SHISA9: variants seen among roughly 807,000 people sequenced by gnomAD.
SHISA9 encodes the protein protein shisa-9.
SHISA9 carries 13 observed loss-of-function variants against 38.0 expected under a neutral mutation model. The ratio of observed to expected loss-of-function variants is 0.34; its 90% CI spans 0.22 to 0.54. The LOEUF (loss-of-function observed/expected upper bound fraction) is 0.54, where lower values mean the gene tolerates loss of function less well. Ranked by LOEUF, SHISA9 falls within the 20% of genes least tolerant of loss-of-function variation. The pLI, the probability that SHISA9 is intolerant of heterozygous loss-of-function variation, is 0.91. For missense variants in SHISA9, 538 were observed against 575.8 expected (o/e 0.93, Z 0.67); for synonymous variants, 275 against 242.0 (o/e 1.14, Z -1.27).
the SHISA9 span, among the ~76,000 whole-genome samples, chr16:13,530,056 T>C: frequency 6.6e-6 from 1 of 152,192 alleles, no homozygotes; most frequent in Admixed American, 6.5e-5. Flanking sequence ...CCCCACACTT[T>C]GGGAGGCCAA....
chr16:13,174,716 G>C (rs980289080), intron 2 of SHISA9, among the ~76,000 whole-genome samples: 1 of 152,150 alleles, frequency 6.6e-6, no homozygotes, highest in Non-Finnish European at 1.5e-5. Flanking sequence ...CGCTGGTTTT[G>C]TAGGAAGATG....
At chr16:13,391,834 G>A in the SHISA9 span, among the ~76,000 whole-genome samples, 1 of 152,162 alleles carries the variant, frequency 6.6e-6, no homozygotes, top group Admixed American at 6.5e-5. Flanking sequence ...TGTACCTGTT[G>A]GGTAATAACG....
chr16:13,354,645 G>A, the SHISA9 span, among the ~76,000 whole-genome samples: 1 of 149,914 alleles, frequency 6.7e-6, no homozygotes, highest in Admixed American at 6.6e-5. Flanking sequence ...TTAAAGCAGC[G>A]GCAGCCGCTG....
At chr16:13,220,994 C>T (rs574512044) in intron 4 of SHISA9, among the ~76,000 whole-genome samples, 4 of 151,656 alleles carry the variant, frequency 2.6e-5, no homozygotes, top group African/African-American at 7.3e-5. Context: ...AGGCTCCCTC[C>T]TCACTCTGGA....
chr16:13,072,614 A>C (rs941732056), intron 2 of SHISA9, among the ~76,000 whole-genome samples: 1 of 152,182 alleles, frequency 6.6e-6, no homozygotes, highest in African/African-American at 2.4e-5. Context: ...CCTATGATCA[A>C]GTCAGTCAAA....
chr16:13,053,628 T>G (rs79330538), intron 2 of SHISA9, among the ~76,000 whole-genome samples: 7,888 of 151,622 alleles, frequency 0.052, 295 homozygotes, highest in South Asian at 0.15. Context: ...CCCTGTTGCT[T>G]TCTTCAGTTT....
At chr16:13,065,668 C>T (rs530753531) in intron 2 of SHISA9, among the ~76,000 whole-genome samples, 14 of 152,292 alleles carry the variant, frequency 9.2e-5, no homozygotes, top group South Asian at 4.2e-4. Context: ...ACGTTTCCCA[C>T]GTGGTGGCTC....
the SHISA9 span, among the ~76,000 whole-genome samples, chr16:13,356,026 G>A: frequency 7.2e-5 from 11 of 152,212 alleles, no homozygotes; most frequent in African/African-American, 2.4e-4. Context: ...TTTCTGGCAC[G>A]TGTAGCAAGC....
the SHISA9 span, among the ~76,000 whole-genome samples, chr16:13,263,314 T>C: frequency 7.2e-5 from 11 of 152,194 alleles, no homozygotes; most frequent in African/African-American, 2.2e-4. Flanking sequence ...TGTTCAATTG[T>C]AATCCCATGT....
the SHISA9 span, among the ~76,000 whole-genome samples, chr16:13,286,092 A>G: frequency 1.3e-5 from 2 of 152,114 alleles, no homozygotes; most frequent in Non-Finnish European, 2.9e-5. Flanking sequence ...AAGACAATGC[A>G]ACTGTTTGTC....
At chr16:13,474,579 A>G in the SHISA9 span, among the ~76,000 whole-genome samples, 1 of 152,218 alleles carries the variant, frequency 6.6e-6, no homozygotes, top group East Asian at 1.9e-4. Context: ...CTTTCTATCC[A>G]TGGAGTTACA....
chr16:13,227,092 G>A (rs1395386210), intron 4 of SHISA9, among the ~76,000 whole-genome samples: 1 of 152,194 alleles, frequency 6.6e-6, no homozygotes, highest in Non-Finnish European at 1.5e-5. Flanking sequence ...GAGGCAGGAT[G>A]AATGCCTGCC....
the SHISA9 span, among the ~76,000 whole-genome samples, chr16:13,386,076 AT>A: frequency 6.6e-6 from 1 of 152,316 alleles, no homozygotes; most frequent in East Asian, 1.9e-4. Flanking sequence ...GTGCCCATGG[AT>A]ATATGAACCT....
chr16:13,549,724 G>T, the SHISA9 span, among the ~76,000 whole-genome samples: 1 of 152,084 alleles, frequency 6.6e-6, no homozygotes, highest in African/African-American at 2.4e-5. Context: ...ATACAAGGAA[G>T]TGTTAATATT....
the SHISA9 span, among the ~76,000 whole-genome samples, chr16:13,316,027 G>A: frequency 0.48 from 72,248 of 149,718 alleles, 17,402 homozygotes; most frequent in Middle Eastern, 0.53. Flanking sequence ...AAAAAAAAAA[G>A]AGAGAGAGCT....
intron 2 of SHISA9, among the ~76,000 whole-genome samples, chr16:13,170,157 C>T (rs1016133176): frequency 3.5e-5 from 5 of 144,874 alleles, no homozygotes; most frequent in African/African-American, 1.3e-4. Flanking sequence ...GAGCTGAGAT[C>T]GTGCCATTGC....
At chr16:13,222,919 T>C (rs1289995703) in intron 4 of SHISA9, among the ~76,000 whole-genome samples, 1 of 152,184 alleles carries the variant, frequency 6.6e-6, no homozygotes, top group Non-Finnish European at 1.5e-5. Context: ...TACTACCCTT[T>C]GGATACTTGC....
At chr16:13,548,981 T>C in the SHISA9 span, among the ~76,000 whole-genome samples, 2 of 152,230 alleles carry the variant, frequency 1.3e-5, no homozygotes, top group South Asian at 2.1e-4. Context: ...AGTGAATGAA[T>C]GGATAAAGAA....
At chr16:13,493,770 A>T in the SHISA9 span, among the ~76,000 whole-genome samples, 1 of 152,188 alleles carries the variant, frequency 6.6e-6, no homozygotes, top group African/African-American at 2.4e-5. Context: ...GTAAGATTTC[A>T]TTCACCTCTA....
Sources: allele counts gnomAD v4.1 joint callset (sites outside exome capture counted in the v4.1 genomes callset), GRCh38; gene constraint gnomAD v4.1.1; transcripts MANE v1.5; gene names NCBI Gene and HGNC (gene_info 2026-07-23, HGNC 2026-07-21).